The following CROT variants were observed in gnomAD, a reference collection of about 807,000 sequenced individuals.
CROT encodes the protein peroxisomal carnitine O-octanoyltransferase.
Under a neutral mutation model 89.2 loss-of-function variants are expected in CROT, and 84 were observed. The ratio of observed to expected loss-of-function variants is 0.94; its 90% CI spans 0.79 to 1.13. The LOEUF is 1.13. CROT is among the 50% of genes most tolerant of loss of function. The pLI is 0.00. For synonymous variants in CROT, 212 were observed against 239.5 expected (o/e 0.89, Z 1.06); for missense variants, 711 against 727.8 (o/e 0.98, Z 0.27).
intron 3 of CROT, among the ~76,000 whole-genome samples, chr7:87,351,284 G>A (rs1805859024): frequency 7.6e-6 from 1 of 131,298 alleles, no homozygotes; most frequent in South Asian, 2.4e-4. Context: ...ATTCCAGCCT[G>A]GACAACAGAG....
At chr7:87,391,525 A>G in intron 13 of CROT, 64 bp from the exon 14 acceptor site, 6 of 1,474,256 alleles carry the variant, frequency 4.1e-6, no homozygotes, top group South Asian at 1.3e-5. Context: ...TTAGGCAACT[A>G]TATCTGTAAT....
intron 14 of CROT, among the ~76,000 whole-genome samples, chr7:87,392,030 G>A (rs990749495): frequency 6.6e-6 from 1 of 152,152 alleles, no homozygotes; most frequent in Non-Finnish European, 1.5e-5. Flanking sequence ...CCTTTAAAAG[G>A]AAGGTTTTCT....
In CROT at chr7:87,349,099, G is replaced by A. The variant is rs2115782197; in HGVS notation, c.31G>A (p.Glu11Lys). MENQLAKSTE[E>K]RTFQYQDSLP... ...AAATCAATTGGCTAAATCAACTGAA[G>A]AACGAACATTTCAGTACCAGGATTC... The change falls in exon 3 of 18, where the codon GAA (glutamate) becomes AAA (lysine). Residue 11 changes from glutamate (E) to lysine (K), a missense_variant. Physicochemically the swap from Glu to Lys is moderately conservative, Grantham distance 56. Coordinates refer to ENST00000331536, the MANE Select transcript of CROT (RefSeq NM_021151.4). The A allele has an allele frequency of 6.2e-7, 1 of 1,605,338 alleles. No homozygotes were observed. The highest frequency in any genetic ancestry group is 1.1e-5 in the South Asian group (1 of 89,486).
chr7:87,386,744 G>A (rs532667168), intron 13 of CROT, among the ~76,000 whole-genome samples: 5 of 152,228 alleles, frequency 3.3e-5, no homozygotes, highest in South Asian at 2.1e-4. Context: ...TTCCTACACC[G>A]TAACACTGCT....
At position 87,349,413 on chromosome 7, in the gene CROT, T is replaced by G. The variant is rs75789912; in HGVS notation, c.115+230T>G. On this transcript the variant is annotated intron_variant, in intron 3 of 17. Transcript: ENST00000331536. ...TCCTCAGAAAGCAAGCAGACTGTCT[T>G]TAAGTTTTTCTTACATAGGGGTCTT... Among the ~76,000 whole-genome samples the G allele has an allele frequency of 0.05, 7,595 of 152,160 alleles. 458 individuals carry two copies. Among genetic ancestry groups the G allele is most frequent in the African/African-American group, 0.14 (5,873 of 41,466 alleles).
At chr7:87,353,183 C>T (rs908228672) in intron 3 of CROT, among the ~76,000 whole-genome samples, 10 of 151,676 alleles carry the variant, frequency 6.6e-5, no homozygotes, top group African/African-American at 1.7e-4. Context: ...GGTCTCGTTC[C>T]GTTGCCCAGG....
intron 7 of CROT, 98 bp downstream of exon 7, chr7:87,369,582 G>A: frequency 1.8e-6 from 1 of 569,962 alleles, no homozygotes; most frequent in South Asian, 4.6e-5. Flanking sequence ...ATAGTAAGCT[G>A]AAAAATAAGA....
At chr7:87,354,943 A>G (rs1806011001) in intron 3 of CROT, among the ~76,000 whole-genome samples, 1 of 152,158 alleles carries the variant, frequency 6.6e-6, no homozygotes, top group Non-Finnish European at 1.5e-5. Context: ...CATGACTTAC[A>G]CAAACCGTCT....
chr7:87,362,188 A>G (rs996427061), intron 6 of CROT, among the ~76,000 whole-genome samples: 1 of 151,046 alleles, frequency 6.6e-6, no homozygotes, highest in African/African-American at 2.4e-5. Context: ...CTCATTTTTT[A>G]TTACCTGAAT....
chr7:87,396,384 A>G (rs1274786007), intron 17 of CROT, among the ~76,000 whole-genome samples: 1 of 152,226 alleles, frequency 6.6e-6, no homozygotes, highest in Non-Finnish European at 1.5e-5. Flanking sequence ...AAGACATAGT[A>G]GAAGCAGTGC....
At chr7:87,386,729 C>T (rs1012398581) in intron 13 of CROT, among the ~76,000 whole-genome samples, 3 of 152,080 alleles carry the variant, frequency 2.0e-5, no homozygotes, top group South Asian at 2.1e-4. Flanking sequence ...ACTCATGGAG[C>T]GTGCTTCCTA....
intron 6 of CROT, among the ~76,000 whole-genome samples, chr7:87,364,905 T>G (rs1252737901): frequency 1.3e-5 from 2 of 152,164 alleles, no homozygotes; most frequent in East Asian, 3.8e-4. Context: ...AAATAAGAAC[T>G]GAGGTCATCC....
At position 87,350,148 on chromosome 7, in the gene CROT, T is replaced by C. The variant is rs114969050; in HGVS notation, c.115+965T>C. On this transcript the variant is annotated intron_variant, in intron 3 of 17. Transcript: ENST00000331536. The stretch of plus-strand genomic sequence containing the variant: ...AAATGCTTTCCAAGTGCTGGAAAGC[T>C]CATGAAACTATGCTGTTATGGGGTC... Among the ~76,000 whole-genome samples, 637 of 152,270 alleles carry C rather than the reference T, an allele frequency of 4.2e-3. 8 individuals are homozygous for C. Among genetic ancestry groups the C allele is most frequent in the African/African-American group, 0.014 (594 of 41,570 alleles).
At chr7:87,388,528 G>C (rs1350081538) in intron 13 of CROT, among the ~76,000 whole-genome samples, 1 of 152,152 alleles carries the variant, frequency 6.6e-6, no homozygotes, top group African/African-American at 2.4e-5. Context: ...AATGGGGAAA[G>C]GATTCCCTAT....
At chr7:87,355,117 T>G (rs75411096) in intron 3 of CROT, among the ~76,000 whole-genome samples, 1 of 138,350 alleles carries the variant, frequency 7.2e-6, no homozygotes, top group Admixed American at 7.4e-5. Flanking sequence ...TTTTTTTTTT[T>G]GAGATAGGGC....
At chr7:87,393,839 C>A (rs1807443488) in intron 17 of CROT, among the ~76,000 whole-genome samples, 1 of 152,172 alleles carries the variant, frequency 6.6e-6, no homozygotes, top group Non-Finnish European at 1.5e-5. Flanking sequence ...TGGGTTTGAA[C>A]TGCATGGGCA....
At chr7:87,384,392 T>C (rs1807126818) in intron 13 of CROT, among the ~76,000 whole-genome samples, 1 of 152,076 alleles carries the variant, frequency 6.6e-6, no homozygotes. Flanking sequence ...ATTAGCCTGA[T>C]GTAGGGGCAC....
intron 7 of CROT, among the ~76,000 whole-genome samples, chr7:87,370,821 G>C (rs1806608801): frequency 6.6e-6 from 1 of 152,190 alleles, no homozygotes; most frequent in African/African-American, 2.4e-5. Flanking sequence ...ACACATGCAT[G>C]TATTTCTGTC....
At chr7:87,396,821 G>A (rs979865949) in intron 17 of CROT, among the ~76,000 whole-genome samples, 9 of 151,996 alleles carry the variant, frequency 5.9e-5, no homozygotes, top group Admixed American at 2.6e-4. Context: ...TATTTACACT[G>A]TAAATATTTG....
Sources: gnomAD v4.1 joint callset for allele counts (sites outside exome capture counted in the v4.1 genomes callset) on GRCh38, gnomAD v4.1.1 for gene constraint, MANE v1.5 for transcripts, NCBI Gene and HGNC (gene_info 2026-07-23, HGNC 2026-07-21) for gene names.